GRK4: variants seen among roughly 807,000 people sequenced by gnomAD.
GRK4 encodes the protein G protein-coupled receptor kinase 4.
In GRK4, 73 loss-of-function variants were observed where a neutral mutation model predicts 77.9. That is an observed-to-expected ratio of 0.94 (90% CI 0.78 to 1.14). The LOEUF (loss-of-function observed/expected upper bound fraction) is 1.14. Among genes scored for constraint, GRK4 ranks in the 50% most tolerant of loss-of-function variants. The probability of loss-of-function intolerance (pLI) is 0.00; values close to 1 mark genes in which losing one functional copy is unlikely to be tolerated. For missense variants in GRK4, 729 were observed against 700.2 expected, an observed-to-expected ratio of 1.04 and a Z score of -0.46; for synonymous variants, 257 against 254.4, an observed-to-expected ratio of 1.01 and a Z score of -0.10.
intron 4 of GRK4, among the ~76,000 whole-genome samples, chr4:2,996,493 T>G (rs1239954323): frequency 6.6e-6 from 1 of 151,932 alleles, no homozygotes; most frequent in Non-Finnish European, 1.5e-5. Flanking sequence ...AGACAAAGTT[T>G]GCAGTGAGCT....
At chr4:3,030,245 G>A (rs1383596709) in intron 12 of GRK4, among the ~76,000 whole-genome samples, 2 of 152,114 alleles carry the variant, frequency 1.3e-5, no homozygotes, top group Non-Finnish European at 2.9e-5. Flanking sequence ...GTCACAGCAA[G>A]GAGATGAGCC....
chr4:2,976,891 G>A (rs1291174911), intron 1 of GRK4, among the ~76,000 whole-genome samples: 2 of 151,960 alleles, frequency 1.3e-5, no homozygotes, highest in Non-Finnish European at 2.9e-5. Flanking sequence ...TGTCCACCCC[G>A]GTCTCCCAAA....
At chr4:3,013,578 C>G in intron 7 of GRK4, 110 bp from the exon 8 acceptor site, 2 of 1,332,938 alleles carry the variant, frequency 1.5e-6, no homozygotes, top group Non-Finnish European at 2.1e-6. Flanking sequence ...TCCTCATGCA[C>G]TGCTGCTGGT....
chr4:2,966,407 G>T (rs541365224), intron 1 of GRK4: 1 of 149,266 alleles, frequency 6.7e-6, no homozygotes, highest in Non-Finnish European at 1.5e-5. Flanking sequence ...GCGAGACTCC[G>T]TCTCGAAAAA....
At position 2,992,246 on chromosome 4, in the gene GRK4, G is replaced by T. The variant is rs371204790; in HGVS notation, c.293G>T (p.Arg98Leu). 1 of 1,610,624 alleles carries T rather than the reference G, an allele frequency of 6.2e-7. No individual in the cohort carries two copies. Among genetic ancestry groups the T allele is most frequent in the African/African-American group, 1.3e-5 (1 of 74,816 alleles). ...TATGAAGTTGCCGATGATGAGGACC[G>T]AAGTGATTGTGGACTGTCAATCTTA... Reference protein sequence around the residue: ...AEYEVADDEDRSDCGLSILDR... With the variant: ...AEYEVADDEDLSDCGLSILDR... The change falls in exon 4 of 16, where the codon CGA (arginine) becomes CTA (leucine). Residue 98 changes from arginine (R) to leucine (L), a missense_variant. Coordinates refer to ENST00000398052, the MANE Select transcript of GRK4 (RefSeq NM_182982.3).
intron 10 of GRK4, among the ~76,000 whole-genome samples, chr4:3,022,924 A>C (rs538623844): frequency 6.6e-6 from 1 of 152,196 alleles, no homozygotes; most frequent in East Asian, 1.9e-4. Context: ...TACTGCCCTC[A>C]AGCAGTCCTC....
At chr4:2,991,357 G>A (rs1438484137) in intron 3 of GRK4, among the ~76,000 whole-genome samples, 1 of 152,176 alleles carries the variant, frequency 6.6e-6, no homozygotes, top group Non-Finnish European at 1.5e-5. Context: ...GTATGTACAA[G>A]TACCTTCCCA....
intron 9 of GRK4, among the ~76,000 whole-genome samples, chr4:3,021,725 T>C (rs1470263921): frequency 6.6e-6 from 1 of 152,172 alleles, no homozygotes; most frequent in Non-Finnish European, 1.5e-5. Context: ...TTTGATTCTT[T>C]TGTTACTCCT....
chr4:3,019,545 C>G, intron 8 of GRK4, 96 bp from the exon 9 acceptor site: 1 of 1,043,246 alleles, frequency 9.6e-7, no homozygotes, highest in Non-Finnish European at 1.4e-6. Flanking sequence ...TGATTGTAAA[C>G]CTAACACAGA....
chr4:2,978,355 TA>T (rs539683237), intron 1 of GRK4, among the ~76,000 whole-genome samples: 1 of 152,160 alleles, frequency 6.6e-6, no homozygotes, highest in Non-Finnish European at 1.5e-5. Flanking sequence ...ATTGTCAATC[TA>T]AAAAAAGATA....
intron 2 of GRK4, among the ~76,000 whole-genome samples, chr4:2,986,442 C>T (rs1398424330): frequency 6.7e-6 from 1 of 148,714 alleles, no homozygotes; most frequent in African/African-American, 2.5e-5. Flanking sequence ...CTGCAAGCTC[C>T]GCCTCCCAGA....
chr4:2,982,062 A>G (rs955547272), intron 1 of GRK4, among the ~76,000 whole-genome samples: 1 of 152,266 alleles, frequency 6.6e-6, no homozygotes, highest in East Asian at 1.9e-4. Context: ...GAGGCCAGTC[A>G]GTGGGAACAG....
chr4:2,978,570 T>G (rs1385534999), intron 1 of GRK4, among the ~76,000 whole-genome samples: 1 of 152,212 alleles, frequency 6.6e-6, no homozygotes, highest in Non-Finnish European at 1.5e-5. Flanking sequence ...AAAATCGTAG[T>G]TGGCATCAGT....
At chr4:3,029,517 T>C in intron 12 of GRK4, 108 bp downstream of exon 12, 1 of 880,238 alleles carries the variant, frequency 1.1e-6, no homozygotes. Context: ...CAGCAAGTCC[T>C]GGTCACCCAC....
Position 3,029,299 on chromosome 4 carries a change from A to G in GRK4, c.1159A>G (p.Lys387Glu), listed in dbSNP as rs1738483467. ...YEMIQGHSPF[K>E]KYKEKVKWEE... Reference sequence around the variant, plus strand: ...AATGATTCAGGGACATTCTCCATTCAAAAAATACAAAGAGAAAGTCAAATG... The same window carrying G: ...AATGATTCAGGGACATTCTCCATTCGAAAAATACAAAGAGAAAGTCAAATG... Residue 387 changes from lysine to glutamate, a missense_variant, in exon 12 of 16, where the codon AAA becomes GAA. Coordinates refer to ENST00000398052, the MANE Select transcript of GRK4 (RefSeq NM_182982.3). 1.9e-6 allele frequency: 3 copies of G among 1,613,876 alleles called. No homozygotes were observed. The highest frequency in any genetic ancestry group is 2.5e-6 in the Non-Finnish European group (3 of 1,179,846).
chr4:2,991,194 T>C (rs1036706192), intron 3 of GRK4, among the ~76,000 whole-genome samples: 1 of 152,166 alleles, frequency 6.6e-6, no homozygotes, highest in African/African-American at 2.4e-5. Context: ...GACTCTCCAG[T>C]AATGGGCTGA....
Position 3,037,504 on chromosome 4 carries a change from A to C in GRK4, c.1538A>C (p.Gln513Pro), listed in dbSNP as rs764069331. The C allele has an allele frequency of 1.9e-6, 3 of 1,604,836 alleles. No individual in the cohort carries two copies. The highest frequency in any genetic ancestry group is 2.6e-6 in the Non-Finnish European group (3 of 1,172,418). Residue 513 changes from glutamine (Q) to proline (P), a missense_variant, in exon 14 of 16, where the codon CAG becomes CCG. Transcript: ENST00000398052. ...ACCGGGTGTGTCTCCATCCCCTGGCAGAATGAGGTACTGCCCTTCCAGCAC... is the reference window on the plus strand; with the variant it reads ...ACCGGGTGTGTCTCCATCCCCTGGCCGAATGAGGTACTGCCCTTCCAGCAC... Reference protein sequence around the residue: ...FATGCVSIPWQNEMIESGCFK... With the variant: ...FATGCVSIPWPNEMIESGCFK...
At chr4:2,969,833 A>G (rs1409745770) in intron 1 of GRK4, among the ~76,000 whole-genome samples, 1 of 152,040 alleles carries the variant, frequency 6.6e-6, no homozygotes, top group East Asian at 1.9e-4. Flanking sequence ...ATGCGCTGCC[A>G]TGCACAGATA....
At chr4:3,024,266 T>C (rs145415437) in intron 10 of GRK4, among the ~76,000 whole-genome samples, 2,068 of 152,182 alleles carry the variant, frequency 0.014, 54 homozygotes, top group African/African-American at 0.048. Flanking sequence ...TAAAGTTCTT[T>C]TTAAGGTCAG....
Sources: allele counts gnomAD v4.1 joint callset (sites outside exome capture counted in the v4.1 genomes callset), GRCh38; gene constraint gnomAD v4.1.1; transcripts MANE v1.5; gene names NCBI Gene and HGNC (gene_info 2026-07-23, HGNC 2026-07-21).